ADAMTS17: variants seen among roughly 807,000 people sequenced by gnomAD.
The protein encoded by ADAMTS17 is A disintegrin and metalloproteinase with thrombospondin motifs 17.
A neutral mutation model predicts 141.5 loss-of-function variants in ADAMTS17; 113 were observed. The ratio of observed to expected loss-of-function variants is 0.80; its 90% CI spans 0.69 to 0.93. The LOEUF (loss-of-function observed/expected upper bound fraction) is 0.93, where lower values mean the gene tolerates loss of function less well. Among genes scored for constraint, ADAMTS17 ranks in the 40% least tolerant of loss-of-function variants. ADAMTS17 has a pLI of 0.00. For synonymous variants in ADAMTS17, 768 were observed against 630.6 expected, an observed-to-expected ratio of 1.22 and a Z score of -3.27; for missense variants, 1,659 against 1,517.9, an observed-to-expected ratio of 1.09 and a Z score of -1.54.
intron 7 of ADAMTS17, among the ~76,000 whole-genome samples, chr15:100,224,176 C>CCTT (rs1433785890): frequency 6.6e-6 from 1 of 152,156 alleles, no homozygotes; most frequent in African/African-American, 2.4e-5. Context: ...TATTCTGTAT[C>CCTT]CTTCAATCCA....
intron 8 of ADAMTS17, among the ~76,000 whole-genome samples, chr15:100,173,820 C>A (rs1236402855): frequency 6.6e-6 from 1 of 152,210 alleles, no homozygotes; most frequent in East Asian, 1.9e-4. Flanking sequence ...CCACCTCAGA[C>A]CAAGTAAACC....
chr15:100,099,649 G>A (rs2035974656), intron 14 of ADAMTS17, among the ~76,000 whole-genome samples: 2 of 152,204 alleles, frequency 1.3e-5, no homozygotes, highest in African/African-American at 2.4e-5. Context: ...AGCATTTGCT[G>A]GTCGCGCCCT....
At chr15:100,130,185 G>A (rs544727948) in intron 12 of ADAMTS17, among the ~76,000 whole-genome samples, 10 of 152,108 alleles carry the variant, frequency 6.6e-5, no homozygotes, top group East Asian at 5.8e-4. Flanking sequence ...GCAACATGGC[G>A]AAACCCCATC....
chr15:100,068,940 A>G (rs1481973411), intron 15 of ADAMTS17, among the ~76,000 whole-genome samples: 3 of 152,152 alleles, frequency 2.0e-5, no homozygotes, highest in Non-Finnish European at 4.4e-5. Flanking sequence ...TGATCAAACT[A>G]CTCCGAGCTA....
At chr15:100,327,536 G>C (rs898121655) in intron 3 of ADAMTS17, among the ~76,000 whole-genome samples, 10 of 152,164 alleles carry the variant, frequency 6.6e-5, no homozygotes, top group African/African-American at 2.2e-4. Context: ...ACACACATGT[G>C]AAATACACCA....
chr15:100,061,430 T>C (rs1330324557), intron 15 of ADAMTS17, among the ~76,000 whole-genome samples: 2 of 152,104 alleles, frequency 1.3e-5, no homozygotes, highest in Non-Finnish European at 2.9e-5. Flanking sequence ...GCGGATGCTA[T>C]TGTTCTTTTT....
At chr15:99,980,296 G>C (rs936344610) in intron 20 of ADAMTS17, 1 of 152,338 alleles carries the variant, frequency 6.6e-6, no homozygotes, top group African/African-American at 2.4e-5. Context: ...ACTCCAGCTT[G>C]GGTGATAGAG....
chr15:100,198,409 C>G (rs118167326), intron 8 of ADAMTS17, among the ~76,000 whole-genome samples: 1 of 152,210 alleles, frequency 6.6e-6, no homozygotes, highest in Non-Finnish European at 1.5e-5. Flanking sequence ...AGAGTTAACA[C>G]TTGAGATTCC....
chr15:100,281,086 C>T (rs1266373277), intron 4 of ADAMTS17, 143 bp downstream of exon 4: 13 of 1,231,222 alleles, frequency 1.1e-5, no homozygotes, highest in Non-Finnish European at 1.5e-5. Context: ...CTCCTCAATG[C>T]CCAGAATTAC....
In ADAMTS17 at chr15:100,210,928, C is replaced by T. The variant is rs564659101; in HGVS notation, c.1076-11505G>A. 1.5e-4 allele frequency among the ~76,000 whole-genome samples: 23 copies of T among 152,044 alleles called. No individual in the cohort carries two copies. The East Asian group carries it at 3.3e-3, about 22-fold the overall frequency. On this transcript the variant is annotated intron_variant, in intron 7 of 21. Transcript: ENST00000268070. ...CATCCTGGCTAACATGGTGAAACCT[C>T]GACTCTACTAAAAATACAAAAAATT... is the stretch of plus-strand genomic sequence containing the variant.
chr15:100,065,019 G>A (rs2033414684), intron 15 of ADAMTS17, among the ~76,000 whole-genome samples: 1 of 152,220 alleles, frequency 6.6e-6, no homozygotes, highest in African/African-American at 2.4e-5. Context: ...CAACTATGTG[G>A]AAATCATGGA....
intron 18 of ADAMTS17, among the ~76,000 whole-genome samples, chr15:100,022,166 C>T (rs1309767251): frequency 2.6e-5 from 4 of 152,312 alleles, no homozygotes; most frequent in South Asian, 2.1e-4. Flanking sequence ...GATGTGCCAA[C>T]GATTGATCCT....
chr15:100,293,210 T>C (rs2044702883), intron 3 of ADAMTS17, among the ~76,000 whole-genome samples: 1 of 150,678 alleles, frequency 6.6e-6, no homozygotes, highest in South Asian at 2.1e-4. Flanking sequence ...AGGATGGGAG[T>C]GGGGGGAACA....
At chr15:100,133,385 G>A (rs2038159965) in intron 10 of ADAMTS17, 70 bp from the exon 11 acceptor site, 6 of 1,459,420 alleles carry the variant, frequency 4.1e-6, no homozygotes, top group Admixed American at 3.9e-5. Flanking sequence ...TGGGGTCAGA[G>A]GTGTGGCCCA....
At chr15:99,989,021 CAG>C (rs1028770272) in intron 20 of ADAMTS17, among the ~76,000 whole-genome samples, 7 of 152,316 alleles carry the variant, frequency 4.6e-5, no homozygotes, top group African/African-American at 1.4e-4. Context: ...TGAGGACAGC[CAG>C]GCCTTGGAGC....
chr15:100,121,957 G>A (rs2037474450), intron 12 of ADAMTS17, among the ~76,000 whole-genome samples: 1 of 152,184 alleles, frequency 6.6e-6, no homozygotes, highest in African/African-American at 2.4e-5. Context: ...CTTAAGTGTG[G>A]CTTCCCAGAG....
chr15:100,172,062 C>A (rs1268267910), intron 8 of ADAMTS17, among the ~76,000 whole-genome samples: 1 of 152,188 alleles, frequency 6.6e-6, no homozygotes, highest in African/African-American at 2.4e-5. Context: ...CATTCATGTT[C>A]TGCCTGAGGT....
intron 15 of ADAMTS17, among the ~76,000 whole-genome samples, chr15:100,070,394 A>C (rs1171073130): frequency 6.7e-6 from 1 of 150,312 alleles, no homozygotes. Flanking sequence ...AAGTGGACCT[A>C]ATAGACATCT....
At chr15:100,179,260 T>C (rs544534077) in intron 8 of ADAMTS17, among the ~76,000 whole-genome samples, 1 of 152,314 alleles carries the variant, frequency 6.6e-6, no homozygotes, top group East Asian at 1.9e-4. Flanking sequence ...TAACCATCAT[T>C]CTACTCTCTA....
Sources: allele counts gnomAD v4.1 joint callset (sites outside exome capture counted in the v4.1 genomes callset), GRCh38; gene constraint gnomAD v4.1.1; transcripts MANE v1.5; gene names NCBI Gene and HGNC (gene_info 2026-07-23, HGNC 2026-07-21).